Variants in TBC1D5 observed in about 807,000 individuals in gnomAD.
TBC1D5 encodes TBC1 domain family, member 5.
Under a neutral mutation model 100.3 loss-of-function variants are expected in TBC1D5, and 75 were observed. The observed-to-expected ratio is 0.75, with a 90% confidence interval of 0.62 to 0.91. TBC1D5 has a LOEUF of 0.91. TBC1D5 is among the 40% of genes least tolerant of loss of function. TBC1D5 has a pLI of 0.00. For synonymous variants in TBC1D5, 323 were observed against 325.6 expected (o/e 0.99, Z 0.09); for missense variants, 910 against 942.4 (o/e 0.97, Z 0.45).
chr3:17,317,687 A>C (rs1257161947), intron 13 of TBC1D5, among the ~76,000 whole-genome samples: 1 of 152,222 alleles, frequency 6.6e-6, no homozygotes, highest in Non-Finnish European at 1.5e-5. Flanking sequence ...ATCACAACTC[A>C]ATGTTTTAAA....
chr3:17,206,168 A>C (rs1394333977), intron 18 of TBC1D5, among the ~76,000 whole-genome samples: 2 of 152,168 alleles, frequency 1.3e-5, no homozygotes, highest in African/African-American at 4.8e-5. Context: ...TGGGAGAAGA[A>C]ATACATCAGT....
At chr3:17,649,941 C>T (rs1253710112) in intron 1 of TBC1D5, among the ~76,000 whole-genome samples, 1 of 152,280 alleles carries the variant, frequency 6.6e-6, no homozygotes, top group South Asian at 2.1e-4. Context: ...GGCCCATATA[C>T]ACCATGGAAT....
rs528229671 is a variant in TBC1D5, at chr3:17,512,102, C to T, written c.-35-3497G>A. ...TTGTCGGTTACTGCTATTGGGATTA[C>T]CTTATGAAATCATAACATAATGTTG... On this transcript the variant is annotated intron_variant, in intron 2 of 21. Coordinates refer to ENST00000253692, the Ensembl canonical transcript of TBC1D5. Among the ~76,000 whole-genome samples, 4 of 152,010 alleles carry T rather than the reference C, an allele frequency of 2.6e-5. No homozygotes were observed. The South Asian group carries it at 8.3e-4, about 32-fold the overall frequency.
intron 18 of TBC1D5, among the ~76,000 whole-genome samples, chr3:17,192,036 A>AAT (rs758580407): frequency 1.4e-3 from 209 of 152,014 alleles, no homozygotes; most frequent in African/African-American, 2.7e-3. Context: ...GATTTCAAAA[A>AAT]ATATATATAT....
Position 17,400,860 on chromosome 3 carries a change from T to TG in TBC1D5, c.509+2320dup, listed in dbSNP as rs1187917841. On this transcript the variant is annotated intron_variant, in intron 8 of 21. Transcript: ENST00000253692. ...CCAAGTTCTTCAGGTTTTGGACTCT[T>TG]GGACTTACACCAGCAGTTTGCCAGG... is the stretch of plus-strand genomic sequence containing the variant. 2.2e-4 allele frequency among the ~76,000 whole-genome samples: 33 copies of TG among 152,114 alleles called. 1 individual carries two copies. The highest frequency in any genetic ancestry group is 2.1e-3 in the Admixed American group (32 of 15,266).
chr3:17,361,450 T>C (rs2151884138), intron 13 of TBC1D5, among the ~76,000 whole-genome samples: 1 of 152,142 alleles, frequency 6.6e-6, no homozygotes, highest in South Asian at 2.1e-4. Context: ...AACATTCCAT[T>C]CAACAATAGT....
intron 2 of TBC1D5, among the ~76,000 whole-genome samples, chr3:17,575,786 T>A (rs998202440): frequency 6.6e-6 from 1 of 152,108 alleles, no homozygotes. Context: ...AGACAGAGAA[T>A]GAACTAAAAG....
At chr3:17,450,209 C>T (rs2094893888) in intron 3 of TBC1D5, among the ~76,000 whole-genome samples, 1 of 152,080 alleles carries the variant, frequency 6.6e-6, no homozygotes, top group African/African-American at 2.4e-5. Context: ...AGGACACCCA[C>T]GCAAAAACCC....
At chr3:17,652,831 C>G (rs2153723115) in intron 1 of TBC1D5, among the ~76,000 whole-genome samples, 1 of 152,136 alleles carries the variant, frequency 6.6e-6, no homozygotes, top group African/African-American at 2.4e-5. Flanking sequence ...ACCATATGAC[C>G]CAACAATTCA....
chr3:17,726,748 C>T (rs1031615531), intron 1 of TBC1D5, among the ~76,000 whole-genome samples: 2 of 152,178 alleles, frequency 1.3e-5, no homozygotes, highest in Admixed American at 1.3e-4. Flanking sequence ...TTTTATCCTG[C>T]TCTTCTAGTT....
chr3:17,546,749 C>CTA (rs1451913385), intron 2 of TBC1D5, among the ~76,000 whole-genome samples: 3 of 147,574 alleles, frequency 2.0e-5, no homozygotes, highest in Non-Finnish European at 3.0e-5. Context: ...CGCCACTGTA[C>CTA]TACAGCCTGG....
At chr3:17,555,425 G>T (rs1337322332) in intron 2 of TBC1D5, among the ~76,000 whole-genome samples, 3 of 152,160 alleles carry the variant, frequency 2.0e-5, no homozygotes, top group African/African-American at 7.2e-5. Flanking sequence ...TCAAAGCAAA[G>T]GGGGCTTCCA....
At chr3:17,352,334 C>T (rs1376245010) in intron 13 of TBC1D5, among the ~76,000 whole-genome samples, 2 of 151,892 alleles carry the variant, frequency 1.3e-5, no homozygotes, top group Non-Finnish European at 2.9e-5. Flanking sequence ...TCCTAGGTTG[C>T]ATACATTAAT....
rs760285178 is a variant in TBC1D5 at position 17,732,223 on chromosome 3, CAGG to C, written c.-101+7117_-101+7119del. Among the ~76,000 whole-genome samples the C allele has an allele frequency of 6.2e-4, 94 of 152,168 alleles. 1 individual carries two copies. Among genetic ancestry groups the C allele is most frequent in the Middle Eastern group, 3.4e-3 (1 of 294 alleles). ...ATCCCAGCTACCCAGGAGGCTGAGG[CAGG>C]AGAAGCCCCTGAACCTATGAGGCAG... On this transcript the variant is annotated intron_variant, in intron 1 of 21. Transcript: ENST00000253692.
exon 22 of TBC1D5, chr3:17,161,089 G>C (rs753632180): frequency 3.7e-6 from 6 of 1,614,204 alleles, no homozygotes; most frequent in Non-Finnish European, 5.1e-6. Flanking sequence ...ACACCAGTGG[G>C]GAGCAGACTG....
At chr3:17,283,010 C>A (rs1207092533) in intron 15 of TBC1D5, among the ~76,000 whole-genome samples, 1 of 152,214 alleles carries the variant, frequency 6.6e-6, no homozygotes, top group African/African-American at 2.4e-5. Flanking sequence ...CCAGGCCCTG[C>A]CTGGTTGCTT....
intron 2 of TBC1D5, among the ~76,000 whole-genome samples, chr3:17,541,614 T>C (rs2096358234): frequency 6.6e-6 from 1 of 152,240 alleles, no homozygotes; most frequent in African/African-American, 2.4e-5. Context: ...TTTTTAGATG[T>C]AAGACTACAT....
chr3:17,422,483 G>A (rs2094235241), intron 4 of TBC1D5, among the ~76,000 whole-genome samples: 1 of 151,880 alleles, frequency 6.6e-6, no homozygotes, highest in Non-Finnish European at 1.5e-5. Flanking sequence ...CACTGAGCCT[G>A]CTCTCGTCCA....
chr3:17,506,431 C>A (rs2095845777), intron 3 of TBC1D5, among the ~76,000 whole-genome samples: 1 of 152,118 alleles, frequency 6.6e-6, no homozygotes, highest in Non-Finnish European at 1.5e-5. Context: ...CAGTTGACAG[C>A]TGTTTTAGAG....
Sources: gnomAD v4.1 joint callset for allele counts (sites outside exome capture counted in the v4.1 genomes callset) on GRCh38, gnomAD v4.1.1 for gene constraint, MANE v1.5 for transcripts, NCBI Gene and HGNC (gene_info 2026-07-23, HGNC 2026-07-21) for gene names.